The following LGI2 variants were observed in gnomAD, a reference collection of about 807,000 sequenced individuals.
The protein encoded by LGI2 is leucine rich repeat LGI family member 2, also known as leucine-rich repeat LGI family member 2.
LGI2 carries 30 observed loss-of-function variants against 52.0 expected under a neutral mutation model. The ratio of observed to expected loss-of-function variants is 0.58; its 90% CI spans 0.43 to 0.78. The LOEUF is 0.78. Among genes scored for constraint, LGI2 ranks in the 30% least tolerant of loss-of-function variants. LGI2 has a pLI of 0.00. For synonymous variants in LGI2, 270 were observed against 271.8 expected (o/e 0.99, Z 0.06); for missense variants, 573 against 692.5 (o/e 0.83, Z 1.94).
rs919404012 is a variant in LGI2 at position 25,019,095 on chromosome 4, G to A, written c.485+72C>T. 24 of 925,848 alleles carry A rather than the reference G, an allele frequency of 2.6e-5. No homozygotes were observed. The Middle Eastern group carries it at 1.7e-3, about 65-fold the overall frequency. The allele number at this position is 925,848 out of a possible 1,614,324, so 57.4% of individuals were successfully genotyped here. ...TAAAAGAAATGCATAAAAGAAAGGCGAGAGGGGATTGAAAGACATGATTAA... is the reference window on the plus strand; with the variant it reads ...TAAAAGAAATGCATAAAAGAAAGGCAAGAGGGGATTGAAAGACATGATTAA... On this transcript the variant is annotated intron_variant, in intron 5 of 7. Transcript: ENST00000382114.
chr4:25,004,340 T>C lies in LGI2; in HGVS notation c.821-72A>G. 2 of 1,323,480 alleles carry C rather than the reference T, an allele frequency of 1.5e-6. No individual in the cohort carries two copies. Among genetic ancestry groups the C allele is most frequent in the South Asian group, 1.4e-5 (1 of 72,984 alleles). The allele number at this position is 1,323,480 out of a possible 1,614,324, so 82.0% of individuals were successfully genotyped here. A position where few individuals can be genotyped will look rare whatever the true frequency, so the allele number is the denominator to read the frequency against. On this transcript the variant is annotated intron_variant, in intron 7 of 7. Transcript: ENST00000382114. The surrounding 1 kb of genome is among the most constrained non-coding windows in gnomAD (Gnocchi z 4.6). ...AAACGCATCTCCGCTTGTACTCTTA[T>C]ACACTGCTGGTGGGAGTGTGAAATG...
At chr4:25,023,042 C>T (rs1726023476) in intron 4 of LGI2, among the ~76,000 whole-genome samples, 1 of 148,274 alleles carries the variant, frequency 6.7e-6, no homozygotes, top group African/African-American at 2.5e-5. Context: ...GGACTTAATG[C>T]ATGGAGGGAA....
At chr4:24,996,812 T>C (rs74450163), downstream of LGI2, among the ~76,000 whole-genome samples, 2,557 of 152,330 alleles carry the variant, frequency 0.017, 68 homozygotes, top group African/African-American at 0.057. Flanking sequence ...ACAACAATTG[T>C]TTCTTGGAAG....
In LGI2 at chr4:25,013,019, C is replaced by T. The variant is rs140880706; in HGVS notation, c.656-520G>A. ...CCTTTATCTCCAGTTCTTATAAACC[C>T]TAGCTCGGGATTACCTGTCAGCAGA... is the stretch of plus-strand genomic sequence containing the variant. On this transcript the variant is annotated intron_variant, in intron 6 of 7. Coordinates refer to ENST00000382114, the MANE Select transcript of LGI2 (RefSeq NM_018176.4). 2.6e-5 allele frequency among the ~76,000 whole-genome samples: 4 copies of T among 152,168 alleles called. No homozygotes were observed. The South Asian group carries it at 8.3e-4, about 32-fold the overall frequency.
rs1455115189 is a variant in LGI2, at chr4:25,026,928, G to T, written c.281C>A (p.Ser94Tyr). ...LPSLQLLLLN[S>Y]NSFTIIRDDA... ...ATCCCGGATGATCGTGAATGAGTTA[G>T]AATTCAGCAATCTGAAAGTAAGAGA... The change falls in exon 3 of 8, where the codon TCT (serine) becomes TAT (tyrosine). Residue 94 changes from serine (S) to tyrosine (Y), a missense_variant. Transcript: ENST00000382114. 1.2e-6 allele frequency: 2 copies of T among 1,612,970 alleles called. No individual in the cohort carries two copies. Among genetic ancestry groups the T allele is most frequent in the Non-Finnish European group, 8.5e-7 (1 of 1,178,926 alleles).
intron 7 of LGI2, among the ~76,000 whole-genome samples, chr4:25,008,576 T>G (rs1357350467): frequency 9.0e-6 from 1 of 111,628 alleles, no homozygotes; most frequent in Non-Finnish European, 2.0e-5. Flanking sequence ...AAAAAAAAAA[T>G]CCTTATAGTA....
chr4:25,005,751 T>C (rs1052446351), intron 7 of LGI2, among the ~76,000 whole-genome samples: 3 of 152,056 alleles, frequency 2.0e-5, no homozygotes, highest in African/African-American at 7.2e-5. Flanking sequence ...CTCTTTTGAT[T>C]TCCAGAGCTA....
At position 25,001,919 on chromosome 4, in the gene LGI2, C is replaced by T. The variant is rs1725252629; in HGVS notation, c.*1532G>A. On this transcript the variant is annotated 3_prime_UTR_variant, in exon 8 of 8. Transcript: ENST00000382114. Reference sequence around the variant, plus strand: ...AACAATACAGTACAATATGATCGTGCTACTTTCATGGCTAGGAATGAAGTT... The same window carrying T: ...AACAATACAGTACAATATGATCGTGTTACTTTCATGGCTAGGAATGAAGTT... 6.6e-6 allele frequency: 1 copy of T among 152,218 alleles called. No individual in the cohort carries two copies. The allele number at this position is 152,218 out of a possible 1,614,324, so 9.4% of individuals were successfully genotyped here.
chr4:25,010,465 A>T (rs774061640), intron 7 of LGI2, among the ~76,000 whole-genome samples: 1 of 152,178 alleles, frequency 6.6e-6, no homozygotes, highest in Non-Finnish European at 1.5e-5. Context: ...GGCAGCTTTG[A>T]GAAGCGCCCG....
Position 25,003,369 on chromosome 4 carries a change from C to A in LGI2, c.*82G>T, listed in dbSNP as rs1560286407. 1 of 1,000,502 alleles carries A rather than the reference C, an allele frequency of 1.0e-6. No individual in the cohort carries two copies. The highest frequency in any genetic ancestry group is 1.5e-6 in the Non-Finnish European group (1 of 685,362). The allele number at this position is 1,000,502 out of a possible 1,614,324, so 62.0% of individuals were successfully genotyped here. A position where few individuals can be genotyped will look rare whatever the true frequency, so the allele number is the denominator to read the frequency against. On this transcript the variant is annotated 3_prime_UTR_variant, in exon 8 of 8. Transcript: ENST00000382114. ...TTTAATTTCAGAGCTCTGAGCCTGG[C>A]TTTGATTTGTTTGTTGATTTTTCTT...
chr4:25,025,529 AC>A (rs1202935543), intron 3 of LGI2, among the ~76,000 whole-genome samples: 1 of 151,956 alleles, frequency 6.6e-6, no homozygotes, highest in Non-Finnish European at 1.5e-5. Flanking sequence ...CTGTACTAAA[AC>A]CCCACAGGGT....
chr4:25,005,800 C>T (rs896781649), intron 7 of LGI2, among the ~76,000 whole-genome samples: 3 of 152,104 alleles, frequency 2.0e-5, no homozygotes, highest in African/African-American at 4.8e-5. Context: ...AGGATTAAAC[C>T]TTATGACACA....
the LGI2 span, among the ~76,000 whole-genome samples, chr4:24,993,547 C>T: frequency 6.6e-6 from 1 of 152,216 alleles, no homozygotes; most frequent in Admixed American, 6.5e-5. Context: ...CCCACAGACA[C>T]AGCCTCTGGA....
chr4:25,029,837 C>T (rs528721061), intron 1 of LGI2, among the ~76,000 whole-genome samples: 18 of 152,356 alleles, frequency 1.2e-4, no homozygotes, highest in African/African-American at 4.3e-4. Flanking sequence ...CAACATGCCC[C>T]AAACCTCTGC....
intron 6 of LGI2, among the ~76,000 whole-genome samples, chr4:25,014,856 A>T (rs1725711456): frequency 9.2e-6 from 1 of 108,262 alleles, no homozygotes; most frequent in Non-Finnish European, 1.8e-5. Flanking sequence ...AAAAAAAAAG[A>T]GAGAGAGAGA....
chr4:25,018,035 C>A lies in LGI2; in HGVS notation c.609G>T (p.Lys203Asn), dbSNP rs1380300608. ...CAAAGCTGGTCACGTCATTTAGCTT[C>A]TTTTCCTGATACTCTGGTGGACCAA... is the stretch of plus-strand genomic sequence containing the variant. ...LCIGPPEYQE[K>N]KLNDVTSFDY... The change falls in exon 6 of 8, where the codon AAG becomes AAT. Residue 203 changes from lysine (K) to asparagine (N), a missense_variant. Coordinates refer to ENST00000382114, the MANE Select transcript of LGI2 (RefSeq NM_018176.4). The A allele has an allele frequency of 2.5e-5, 41 of 1,612,936 alleles. No homozygotes were observed. The highest frequency in any genetic ancestry group is 3.4e-5 in the Non-Finnish European group (40 of 1,179,802).
chr4:25,016,985 T>C (rs763676256), intron 6 of LGI2, among the ~76,000 whole-genome samples: 13 of 152,220 alleles, frequency 8.5e-5, no homozygotes, highest in Non-Finnish European at 1.5e-5. Context: ...ATGGAGATAC[T>C]CACCAATACC....
chr4:25,028,944 C>T (rs772791802), intron 1 of LGI2, among the ~76,000 whole-genome samples: 4 of 152,140 alleles, frequency 2.6e-5, no homozygotes, highest in Non-Finnish European at 4.4e-5. Context: ...GTAGACACAG[C>T]GTTGTGTTGG....
downstream of LGI2, among the ~76,000 whole-genome samples, chr4:24,997,704 T>C (rs1040569907): frequency 6.6e-5 from 10 of 152,170 alleles, no homozygotes; most frequent in Non-Finnish European, 1.3e-4. Context: ...GAACAGACCT[T>C]AAGGTGACTT....
Sources: gnomAD v4.1 joint callset for allele counts (sites outside exome capture counted in the v4.1 genomes callset) on GRCh38, gnomAD v4.1.1 for gene constraint, Gnocchi (gnomAD v3.1) non-coding constraint, MANE v1.5 for transcripts, NCBI Gene and HGNC (gene_info 2026-07-23, HGNC 2026-07-21) for gene names.